The following CATSPERE variants were observed in gnomAD, a reference collection of about 807,000 sequenced individuals.
CATSPERE encodes cation channel sperm-associated auxiliary subunit epsilon.
A neutral mutation model predicts 114.1 loss-of-function variants in CATSPERE; 93 were observed. That is an observed-to-expected ratio of 0.81 (90% CI 0.69 to 0.97). The LOEUF is 0.97. Among genes scored for constraint, CATSPERE ranks in the 50% least tolerant of loss-of-function variants. The pLI is 0.00. For synonymous variants in CATSPERE, 341 were observed against 384.1 expected, an observed-to-expected ratio of 0.89 and a Z score of 1.31; for missense variants, 1,058 against 1,131.6, an observed-to-expected ratio of 0.93 and a Z score of 0.93.
chr1:244,554,404 C>G (rs1237101512), intron 9 of CATSPERE, among the ~76,000 whole-genome samples: 1 of 152,122 alleles, frequency 6.6e-6, no homozygotes, highest in African/African-American at 2.4e-5. Flanking sequence ...GTGGCTCACA[C>G]CTGTAGTTGC....
At chr1:244,582,498 G>T (rs1447582316) in intron 12 of CATSPERE, among the ~76,000 whole-genome samples, 1 of 151,650 alleles carries the variant, frequency 6.6e-6, no homozygotes, top group Non-Finnish European at 1.5e-5. Context: ...CACCTCGCAG[G>T]TTCAAGTGAT....
intron 5 of CATSPERE, 125 bp from the exon 6 acceptor site, chr1:244,490,322 A>G (rs1354595384): frequency 1.4e-5 from 8 of 575,648 alleles, no homozygotes; most frequent in African/African-American, 1.4e-4. Context: ...CTTTAATTTT[A>G]TATACCGTAA....
upstream of CATSPERE, among the ~76,000 whole-genome samples, chr1:244,453,592 G>A (rs962327843): frequency 6.6e-6 from 1 of 152,228 alleles, no homozygotes; most frequent in African/African-American, 2.4e-5. Flanking sequence ...GCCTGCCCAA[G>A]CGGCCACCCA....
chr1:244,489,797 A>G (rs1671678065), intron 5 of CATSPERE, among the ~76,000 whole-genome samples: 1 of 152,036 alleles, frequency 6.6e-6, no homozygotes, highest in Admixed American at 6.6e-5. Flanking sequence ...TTGCTTTAAG[A>G]TTAGCCTTTG....
At chr1:244,471,253 T>C (rs1668436272) in intron 2 of CATSPERE, among the ~76,000 whole-genome samples, 1 of 152,226 alleles carries the variant, frequency 6.6e-6, no homozygotes, top group South Asian at 2.1e-4. Context: ...TCATCAAATA[T>C]CTAGTCAGTA....
chr1:244,558,138 CTT>C (rs34664118), intron 9 of CATSPERE, among the ~76,000 whole-genome samples: 133 of 109,438 alleles, frequency 1.2e-3, no homozygotes, highest in Middle Eastern at 7.1e-3. Flanking sequence ...CTCTCTCTCT[CTT>C]TTTTTTTTTT....
chr1:244,503,134 A>C (rs1189286458), intron 7 of CATSPERE, among the ~76,000 whole-genome samples: 1 of 152,190 alleles, frequency 6.6e-6, no homozygotes, highest in Non-Finnish European at 1.5e-5. Context: ...CTAGATTAAA[A>C]AGTAGGGTGC....
At chr1:244,498,487 T>C (rs1673465568) in intron 6 of CATSPERE, among the ~76,000 whole-genome samples, 1 of 152,226 alleles carries the variant, frequency 6.6e-6, no homozygotes, top group South Asian at 2.1e-4. Flanking sequence ...GAAAGAAAAT[T>C]AGTTCTGCAT....
chr1:244,462,610 A>G (rs982703650), intron 1 of CATSPERE, among the ~76,000 whole-genome samples: 4 of 152,212 alleles, frequency 2.6e-5, no homozygotes, highest in African/African-American at 4.8e-5. Flanking sequence ...TTAGATTCAT[A>G]AGAAGTGTGA....
intron 7 of CATSPERE, among the ~76,000 whole-genome samples, chr1:244,513,625 G>A (rs910130415): frequency 6.6e-6 from 1 of 152,232 alleles, no homozygotes; most frequent in African/African-American, 2.4e-5. Flanking sequence ...GCATGTGGGT[G>A]CCGCTTGCAA....
At chr1:244,539,661 G>T (rs1658273150) in intron 8 of CATSPERE, among the ~76,000 whole-genome samples, 2 of 149,146 alleles carry the variant, frequency 1.3e-5, no homozygotes, top group Non-Finnish European at 3.0e-5. Flanking sequence ...TCCTGTTATT[G>T]GTCTATTCAG....
intron 7 of CATSPERE, 96 bp from the exon 8 acceptor site, chr1:244,518,496 C>A: frequency 1.3e-6 from 1 of 786,606 alleles, no homozygotes; most frequent in Non-Finnish European, 2.1e-6. Flanking sequence ...TAAGCAATGT[C>A]TTAACGAAAA....
intron 8 of CATSPERE, among the ~76,000 whole-genome samples, chr1:244,525,375 A>G (rs1156530669): frequency 6.6e-6 from 1 of 151,680 alleles, no homozygotes; most frequent in East Asian, 1.9e-4. Flanking sequence ...GCTCTGGAAG[A>G]TATACCTAAT....
At chr1:244,472,118 C>G (rs953205468) in intron 2 of CATSPERE, among the ~76,000 whole-genome samples, 3 of 152,010 alleles carry the variant, frequency 2.0e-5, no homozygotes, top group Non-Finnish European at 2.9e-5. Context: ...ACCACCACAC[C>G]CAGCTAATTT....
At chr1:244,614,270 G>A (rs1261258313) in intron 19 of CATSPERE, among the ~76,000 whole-genome samples, 5 of 152,238 alleles carry the variant, frequency 3.3e-5, no homozygotes, top group Non-Finnish European at 7.3e-5. Context: ...CCCTGCACGT[G>A]AGTCAAGCTG....
chr1:244,558,138 C>CTCT (rs1553358306), intron 9 of CATSPERE, among the ~76,000 whole-genome samples: 5 of 109,480 alleles, frequency 4.6e-5, no homozygotes, highest in Non-Finnish European at 8.6e-5. Flanking sequence ...CTCTCTCTCT[C>CTCT]TTTTTTTTTT....
chr1:244,519,057 T>G (rs1378377997), intron 8 of CATSPERE, among the ~76,000 whole-genome samples: 1 of 152,062 alleles, frequency 6.6e-6, no homozygotes, highest in African/African-American at 2.4e-5. Context: ...AAATTCTACC[T>G]GAAAGGCAAG....
chr1:244,487,371 C>A (rs903799472), intron 5 of CATSPERE, among the ~76,000 whole-genome samples: 1 of 152,120 alleles, frequency 6.6e-6, no homozygotes, highest in Admixed American at 6.5e-5. Flanking sequence ...TCATGCCCAG[C>A]CAGTGGAGGG....
At position 244,608,738 on chromosome 1, in the gene CATSPERE, G is replaced by A. The variant is rs142819571; in HGVS notation, c.2404-1502G>A. 2.5e-3 allele frequency among the ~76,000 whole-genome samples: 382 copies of A among 151,770 alleles called. 5 individuals carry two copies. The highest frequency in any genetic ancestry group is 0.014 in the East Asian group (71 of 5,156). ...TTCCTCCCTTCCCTTCCTATGCAGCGTGAGCTCCATAGTTCAATTCTCTAG... is the reference window on the plus strand; with the variant it reads ...TTCCTCCCTTCCCTTCCTATGCAGCATGAGCTCCATAGTTCAATTCTCTAG... On this transcript the variant is annotated intron_variant, in intron 18 of 21. Coordinates refer to ENST00000366534, the MANE Select transcript of CATSPERE (RefSeq NM_001130957.2).
Sources: allele counts gnomAD v4.1 joint callset (sites outside exome capture counted in the v4.1 genomes callset), GRCh38; gene constraint gnomAD v4.1.1; transcripts MANE v1.5; gene names NCBI Gene and HGNC (gene_info 2026-07-23, HGNC 2026-07-21).